Variants in PANX3 observed in about 807,000 individuals in gnomAD.
PANX3 encodes pannexin 3, also known as pannexin-3.
Under a neutral mutation model 31.5 loss-of-function variants are expected in PANX3, and 18 were observed. That is an observed-to-expected ratio of 0.57 (90% CI 0.39 to 0.85). PANX3 has a LOEUF of 0.85. Among genes scored for constraint, PANX3 ranks in the 40% least tolerant of loss-of-function variants. The probability of loss-of-function intolerance (pLI) is 0.00; values close to 1 mark genes in which losing one functional copy is unlikely to be tolerated. For synonymous variants in PANX3, 194 were observed against 201.6 expected (o/e 0.96, Z 0.32); for missense variants, 426 against 485.4 (o/e 0.88, Z 1.15).
chr11:124,612,286 A>T (rs1202215122), intron 1 of PANX3, among the ~76,000 whole-genome samples: 1 of 152,210 alleles, frequency 6.6e-6, no homozygotes, highest in Non-Finnish European at 1.5e-5. Context: ...ACATTAGCAT[A>T]CACATACATC....
At chr11:124,613,599 G>A (rs996322847) in intron 2 of PANX3, among the ~76,000 whole-genome samples, 1 of 152,106 alleles carries the variant, frequency 6.6e-6, no homozygotes, top group Non-Finnish European at 1.5e-5. Flanking sequence ...ATGGACCCAA[G>A]AGCAGAGTTT....
rs1863158981 is a variant in PANX3 at position 124,616,940 on chromosome 11, C to T, written c.325-334C>T. Among the ~76,000 whole-genome samples the T allele has an allele frequency of 6.6e-6, 1 of 151,144 alleles. No homozygotes were observed. Among genetic ancestry groups the T allele is most frequent in the South Asian group, 2.1e-4 (1 of 4,762 alleles). On this transcript the variant is annotated intron_variant, in intron 2 of 3. Transcript: ENST00000284288. The surrounding 1 kb of genome is among the most constrained non-coding windows in gnomAD (Gnocchi z 4.8). ...CTCCTGTCCTCCCCTCCCCTCCCTT[C>T]CCCTCTCCTTCCCACCTCTCCTCTC...
chr11:124,618,533 C>T (rs1325789109), intron 3 of PANX3, among the ~76,000 whole-genome samples: 1 of 152,244 alleles, frequency 6.6e-6, no homozygotes, highest in African/African-American at 2.4e-5. Context: ...TGTACCTGAA[C>T]ACCAAAGCTC....
At chr11:124,615,302 C>T (rs1369828557) in intron 2 of PANX3, among the ~76,000 whole-genome samples, 2 of 151,944 alleles carry the variant, frequency 1.3e-5, no homozygotes, top group Admixed American at 6.6e-5. Flanking sequence ...AGGATGGTCT[C>T]GATCTCTTGA....
In PANX3 at chr11:124,614,164, T is replaced by C. The variant is rs866771392; in HGVS notation, c.324+1042T>C. ...ACTGGAAGTTCAGGAAGGATCTAAA[T>C]GGTAAAAAAAAAAAAAAAAAAAAAA... On this transcript the variant is annotated intron_variant, in intron 2 of 3. Transcript: ENST00000284288. Among the ~76,000 whole-genome samples the C allele has an allele frequency of 9.8e-5, 6 of 61,270 alleles. No homozygotes were observed. The South Asian group carries it at 1.7e-3, about 17-fold the overall frequency. The allele number at this position is 61,270 out of a possible 152,430, so 40.2% of individuals were successfully genotyped here. A position where few individuals can be genotyped will look rare whatever the true frequency, so the allele number is the denominator to read the frequency against.
chr11:124,616,512 AG>A lies in PANX3; in HGVS notation c.325-760del, dbSNP rs1863154238. 6.6e-6 allele frequency among the ~76,000 whole-genome samples: 1 copy of A among 152,242 alleles called. No individual in the cohort carries two copies. The highest frequency in any genetic ancestry group is 1.5e-5 in the Non-Finnish European group (1 of 68,046). On this transcript the variant is annotated intron_variant, in intron 2 of 3. Transcript: ENST00000284288. The surrounding 1 kb of genome is among the most constrained non-coding windows in gnomAD (Gnocchi z 4.8). ...GTTTCATTCTGAGGTACTGAGAATT[AG>A]GACTTCAAGGTATGAATGGAGGGAG...
At position 124,619,368 on chromosome 11, in the gene PANX3, G is replaced by A. The variant is rs752559932; in HGVS notation, c.612G>A (p.Ser204=). Residue 204 remains serine, a synonymous_variant, in exon 4 of 4, where the codon TCG becomes TCA. Transcript: ENST00000284288. ...TGGCATGTAAGCAGCGTTCACATTC[G>A]CTAGTGGCTACCTACCTCCTGAGGA... ...RYLACKQRSH[S]LVATYLLRNS... is the part of the protein sequence containing the mutation. The A allele has an allele frequency of 3.7e-6, 6 of 1,613,958 alleles. No individual in the cohort carries two copies. The highest frequency in any genetic ancestry group is 2.7e-5 in the African/African-American group (2 of 74,888).
chr11:124,612,927 C>T, intron 1 of PANX3, 53 bp from the exon 2 acceptor site: 1 of 1,598,628 alleles, frequency 6.3e-7, no homozygotes. Flanking sequence ...GCCCCTGAGT[C>T]CCCACTCCTC....
rs79564546 is a variant in PANX3 at position 124,616,539 on chromosome 11, G to A, written c.325-735G>A. Among the ~76,000 whole-genome samples, 3,702 of 152,234 alleles carry A rather than the reference G, an allele frequency of 0.024. 80 individuals are homozygous for A. Among genetic ancestry groups the A allele is most frequent in the African/African-American group, 0.061 (2,518 of 41,514 alleles). ...GACTTCAAGGTATGAATGGAGGGAG[G>A]TGGACATGGACACAATTCAACCCAT... is the stretch of plus-strand genomic sequence containing the variant. On this transcript the variant is annotated intron_variant, in intron 2 of 3. Transcript: ENST00000284288. This position sits in a 1 kb window ranked among gnomAD's most constrained non-coding sequence, Gnocchi z 4.8.
chr11:124,617,588 C>T, intron 3 of PANX3, 100 bp downstream of exon 3: 3 of 1,197,154 alleles, frequency 2.5e-6, no homozygotes, highest in Non-Finnish European at 3.6e-6. Context: ...CCATCCTTCT[C>T]AAGAAGGCAA....
intron 3 of PANX3, 23 bp from the exon 4 acceptor site, chr11:124,619,273 G>A (rs1469199046): frequency 6.3e-7 from 1 of 1,599,402 alleles, no homozygotes; most frequent in Non-Finnish European, 8.5e-7. Context: ...TACTAACCTT[G>A]CCTCCTTCCT....
rs906223060 is a variant in PANX3, at chr11:124,620,270, T to C, written c.*335T>C. The C allele has an allele frequency of 2.9e-5, 6 of 205,448 alleles. No individual in the cohort carries two copies. The Admixed American group carries it at 3.4e-4, about 12-fold the overall frequency. 12.7% of individuals were successfully genotyped at this position (205,448 alleles called of 1,614,324 possible). On this transcript the variant is annotated 3_prime_UTR_variant, in exon 4 of 4. Coordinates refer to ENST00000284288, the MANE Select transcript of PANX3 (RefSeq NM_052959.3). ...GTCCGTTTATGGAGGCAATTCCATA[T>C]CCTTTCTTGAACGCACATTCAGCTT... is the stretch of plus-strand genomic sequence containing the variant.
Position 124,619,663 on chromosome 11 carries a change from T to C in PANX3, c.907T>C (p.Ser303Pro). 1 of 1,614,156 alleles carries C rather than the reference T, an allele frequency of 6.2e-7. No individual in the cohort carries two copies. Residue 303 changes from serine to proline, a missense_variant, in exon 4 of 4, where the codon TCT becomes CCT. Transcript: ENST00000284288. ...ATGTCGGTGGGACAAACGACTTTTA[T>C]CTGTCTATGAGATGCTCCCAGCTTT... ...RLCRWDKRLLSVYEMLPAFDL... is the reference protein window; with the variant it reads ...RLCRWDKRLLPVYEMLPAFDL...
At chr11:124,614,312 G>A (rs1863128542) in intron 2 of PANX3, among the ~76,000 whole-genome samples, 1 of 152,064 alleles carries the variant, frequency 6.6e-6, no homozygotes, top group Admixed American at 6.6e-5. Context: ...TTGTCACCTA[G>A]GCTAGAGTGC....
rs933979156 is a variant in PANX3, at chr11:124,620,162, A to G, written c.*227A>G. On this transcript the variant is annotated 3_prime_UTR_variant, in exon 4 of 4. Transcript: ENST00000284288. ...AGCCGAAGAGTCAAAGAGCTAAAAA[A>G]TTAAGTCTAGAACATTCTATGAGGA... The G allele has an allele frequency of 1.1e-4, 61 of 547,324 alleles. No individual in the cohort carries two copies. The highest frequency in any genetic ancestry group is 1.7e-4 in the Non-Finnish European group (54 of 318,734). 33.9% of individuals were successfully genotyped at this position (547,324 alleles called of 1,614,324 possible).
At chr11:124,612,878 C>A (rs1863108377) in intron 1 of PANX3, 102 bp from the exon 2 acceptor site, 5 of 1,425,824 alleles carry the variant, frequency 3.5e-6, no homozygotes, top group Non-Finnish European at 4.8e-6. Flanking sequence ...AGAAGACAGT[C>A]CCTGCCAGAA....
At chr11:124,615,804 G>A (rs1591368469) in intron 2 of PANX3, among the ~76,000 whole-genome samples, 1 of 152,102 alleles carries the variant, frequency 6.6e-6, no homozygotes, top group African/African-American at 2.4e-5. Context: ...TTGAGGTCAG[G>A]AATTCAAGAC....
intron 3 of PANX3, 38 bp from the exon 4 acceptor site, chr11:124,619,258 G>A: frequency 6.3e-7 from 1 of 1,578,128 alleles, no homozygotes; most frequent in Admixed American, 1.8e-5. Flanking sequence ...GTTCTAAATG[G>A]TCACTACTAA....
chr11:124,612,562 G>A (rs1863106038), intron 1 of PANX3, among the ~76,000 whole-genome samples: 1 of 152,124 alleles, frequency 6.6e-6, no homozygotes, highest in South Asian at 2.1e-4. Context: ...CTTTCCTTTC[G>A]GCATAATTTG....
Sources: allele counts gnomAD v4.1 joint callset (sites outside exome capture counted in the v4.1 genomes callset), GRCh38; gene constraint gnomAD v4.1.1; non-coding constraint Gnocchi (gnomAD v3.1); transcripts MANE v1.5; gene names NCBI Gene and HGNC (gene_info 2026-07-23, HGNC 2026-07-21).